CD163: variants seen among roughly 807,000 people sequenced by gnomAD.
The protein encoded by CD163 is scavenger receptor cysteine-rich type 1 protein M130.
A neutral mutation model predicts 129.2 loss-of-function variants in CD163; 64 were observed. That is an observed-to-expected ratio of 0.50 (90% confidence interval 0.41 to 0.61). The LOEUF is 0.61. Among genes scored for constraint, CD163 ranks in the 20% least tolerant of loss-of-function variants. The probability of loss-of-function intolerance (pLI) is 0.00; values close to 1 mark genes in which losing one functional copy is unlikely to be tolerated. For synonymous variants in CD163, 446 were observed against 478.5 expected (o/e 0.93, Z 0.89); for missense variants, 1,061 against 1,377.9 (o/e 0.77, Z 3.64).
chr12:7,501,218 A>G lies in CD163; in HGVS notation c.378T>C (p.Ala126=). Residue 126 remains alanine (A), a synonymous_variant, in exon 3 of 17, where the codon GCT becomes GCC. Coordinates refer to ENST00000432237, the MANE Select transcript of CD163 (RefSeq NM_203416.4). ...DHVSCRGNES[A]LWDCKHDGWG... is the part of the protein sequence containing the mutation. The stretch of plus-strand genomic sequence containing the variant: ...ATCCATCATGTTTGCAATCCCAAAG[A>G]GCTGACTCATTCCCACGACAAGAAA... 1 of 1,614,206 alleles carries G rather than the reference A, an allele frequency of 6.2e-7. No homozygotes were observed. The highest frequency in any genetic ancestry group is 2.2e-5 in the East Asian group (1 of 44,890).
intron 6 of CD163, among the ~76,000 whole-genome samples, chr12:7,488,540 G>T (rs1323540752): frequency 6.6e-6 from 1 of 152,100 alleles, no homozygotes; most frequent in Non-Finnish European, 1.5e-5. Context: ...ATGAACATCA[G>T]ACTTCTTCCT....
chr12:7,502,802 G>T (rs1162520214), intron 1 of CD163: 11 of 565,906 alleles, frequency 1.9e-5, no homozygotes, highest in Non-Finnish European at 2.8e-5. Flanking sequence ...CAGAAGGTTG[G>T]TGGTGGAAAC....
chr12:7,478,028 T>C (rs1019426021), intron 16 of CD163, among the ~76,000 whole-genome samples: 1 of 152,170 alleles, frequency 6.6e-6, no homozygotes. Context: ...TGGAATATTA[T>C]TATATTTTAT....
At chr12:7,492,495 T>C (rs932848037) in intron 6 of CD163, among the ~76,000 whole-genome samples, 2 of 152,070 alleles carry the variant, frequency 1.3e-5, no homozygotes, top group South Asian at 4.1e-4. Context: ...TGGTAAAATA[T>C]TTGGGTAAGC....
rs1449774322 is a variant in CD163 at position 7,503,674 on chromosome 12, A to G, written c.17T>C (p.Met6Thr). 6.2e-7 allele frequency: 1 copy of G among 1,602,462 alleles called. No individual in the cohort carries two copies. Among genetic ancestry groups the G allele is most frequent in the Non-Finnish European group, 8.5e-7 (1 of 1,171,830 alleles). Residue 6 changes from methionine to threonine, a missense_variant, in exon 1 of 17, where the codon ATG (methionine) becomes ACG (threonine). Coordinates refer to ENST00000432237, the MANE Select transcript of CD163 (RefSeq NM_203416.4). ...AGATCCAGAGTCTTCAAGTAGCACC[A>G]TTCTGAGTTTGCTCATTCCAAAGAT... is the stretch of plus-strand genomic sequence containing the variant. MSKLRMVLLEDSGSAD... is the reference protein window; with the variant it reads MSKLRTVLLEDSGSAD...
intron 6 of CD163, among the ~76,000 whole-genome samples, chr12:7,492,807 C>A (rs984030380): frequency 6.6e-6 from 1 of 152,114 alleles, no homozygotes. Flanking sequence ...TCTAAGTATC[C>A]TGTCCCCCCA....
In CD163 at chr12:7,486,821, G is replaced by A. The variant is rs1236633962; in HGVS notation, c.2144-8C>T. The stretch of plus-strand genomic sequence containing the variant: ...GGCGAAGTTGACCACTCTCTGCAAA[G>A]AGAAATGAAACTATTAATAATGAGC... On this transcript the variant is annotated splice_polypyrimidine_tract_variant and splice_region_variant and intron_variant, in intron 9 of 16. Coordinates refer to ENST00000432237, the MANE Select transcript of CD163 (RefSeq NM_203416.4). 1 of 1,607,360 alleles carries A rather than the reference G, an allele frequency of 6.2e-7. No individual in the cohort carries two copies. Among genetic ancestry groups the A allele is most frequent in the East Asian group, 2.2e-5 (1 of 44,760 alleles).
chr12:7,479,842 T>C lies in CD163; in HGVS notation c.*31+18A>G, dbSNP rs757478767. 2 of 1,609,150 alleles carry C rather than the reference T, an allele frequency of 1.2e-6. No individual in the cohort carries two copies. Among genetic ancestry groups the C allele is most frequent in the South Asian group, 2.2e-5 (2 of 89,844 alleles). On this transcript the variant is annotated intron_variant, in intron 16 of 16. Coordinates refer to ENST00000432237, the MANE Select transcript of CD163 (RefSeq NM_203416.4). ...TGCAGCTGTTTTGAACAATGACTAATAAATTCTCATCACTCACCTCACTGG... is the reference window on the plus strand; with the variant it reads ...TGCAGCTGTTTTGAACAATGACTAACAAATTCTCATCACTCACCTCACTGG...
At chr12:7,481,120 T>A (rs1292253903) in intron 15 of CD163, 41 bp downstream of exon 15, 13 of 1,602,238 alleles carry the variant, frequency 8.1e-6, no homozygotes, top group Non-Finnish European at 1.1e-5. Context: ...CAGCCACTGA[T>A]CTGAACCCCT....
intron 14 of CD163, 124 bp from the exon 15 acceptor site, chr12:7,481,380 A>T (rs558126445): frequency 8.1e-5 from 55 of 678,908 alleles, no homozygotes; most frequent in African/African-American, 8.0e-4. Flanking sequence ...TTTCTATCCC[A>T]TTCTACTACC....
chr12:7,478,544 C>G (rs1949118477), intron 16 of CD163, among the ~76,000 whole-genome samples: 1 of 152,098 alleles, frequency 6.6e-6, no homozygotes, highest in South Asian at 2.1e-4. Flanking sequence ...CATACACATA[C>G]ATACAATTTA....
intron 1 of CD163, among the ~76,000 whole-genome samples, chr12:7,502,902 G>T (rs1369537002): frequency 9.9e-5 from 15 of 152,242 alleles, no homozygotes; most frequent in Admixed American, 7.2e-4. Context: ...CAGGCACAGG[G>T]AAGGTATCCT....
Position 7,497,028 on chromosome 12 carries a change from C to T in CD163, c.884G>A (p.Trp295Ter). 1 of 1,614,106 alleles carries T rather than the reference C, an allele frequency of 6.2e-7. No homozygotes were observed. Among genetic ancestry groups the T allele is most frequent in the Non-Finnish European group, 8.5e-7 (1 of 1,179,998 alleles). Residue 295 changes from tryptophan to a stop codon, truncating the protein, a stop_gained, in exon 5 of 17, where the codon TGG becomes TAG. Coordinates refer to ENST00000432237, the MANE Select transcript of CD163 (RefSeq NM_203416.4). LOFTEE classifies it high-confidence loss of function. ...GEWGTICDDG[W>*]DSYDAAVACK... ...TGCCACAGCAGCATCGTAACTGTCCCAGCCGTCATCACATATTGTCCCCCA... is the reference window on the plus strand; with the variant it reads ...TGCCACAGCAGCATCGTAACTGTCCTAGCCGTCATCACATATTGTCCCCCA...
At chr12:7,475,013 A>G (rs1017159935) in intron 16 of CD163, among the ~76,000 whole-genome samples, 1 of 151,346 alleles carries the variant, frequency 6.6e-6, no homozygotes, top group Admixed American at 6.6e-5. Flanking sequence ...ACATCCTCCC[A>G]AGACTAAACG....
At chr12:7,482,595 ACCCCC>A in intron 14 of CD163, 43 bp downstream of exon 14, 2 of 1,588,696 alleles carry the variant, frequency 1.3e-6, no homozygotes, top group Non-Finnish European at 8.6e-7. Context: ...TCTTACAAGA[ACCCCC>A]TTATCCTGTA....
intron 1 of CD163, among the ~76,000 whole-genome samples, chr12:7,503,151 C>T (rs1201649108): frequency 2.0e-5 from 3 of 152,282 alleles, no homozygotes; most frequent in East Asian, 3.9e-4. Flanking sequence ...TCATCTCTAC[C>T]TGTATCCTTA....
At chr12:7,497,610 G>A (rs962785527) in intron 4 of CD163, among the ~76,000 whole-genome samples, 2 of 152,170 alleles carry the variant, frequency 1.3e-5, no homozygotes, top group Admixed American at 6.5e-5. Context: ...TAAAAGCAGA[G>A]CAAAGAGAAA....
intron 6 of CD163, 77 bp downstream of exon 6, chr12:7,495,004 C>G: frequency 9.1e-7 from 1 of 1,095,826 alleles, no homozygotes; most frequent in Non-Finnish European, 1.4e-6. Flanking sequence ...TCATAAGGAC[C>G]AATGTTTCTT....
intron 16 of CD163, chr12:7,473,257 C>T (rs989009465): frequency 5.9e-5 from 9 of 152,054 alleles, no homozygotes; most frequent in Non-Finnish European, 1.0e-4. Context: ...AAGAGCAACC[C>T]GAAGACACAT....
Sources: allele counts gnomAD v4.1 joint callset (sites outside exome capture counted in the v4.1 genomes callset), GRCh38; gene constraint gnomAD v4.1.1; transcripts MANE v1.5; gene names NCBI Gene and HGNC (gene_info 2026-07-23, HGNC 2026-07-21).